Variants in SRCIN1 observed in about 807,000 individuals in gnomAD.
The protein encoded by SRCIN1 is SRC kinase signaling inhibitor 1.
SRCIN1 carries 50 observed loss-of-function variants against 116.2 expected under a neutral mutation model. The ratio of observed to expected loss-of-function variants is 0.43; its 90% CI spans 0.34 to 0.54. The LOEUF (loss-of-function observed/expected upper bound fraction) is 0.54, where lower values mean the gene tolerates loss of function less well. Among genes scored for constraint, SRCIN1 ranks in the 20% least tolerant of loss-of-function variants. The pLI is 0.02. For missense variants in SRCIN1, 1,446 were observed against 1,672.0 expected, an observed-to-expected ratio of 0.86 and a Z score of 2.36; for synonymous variants, 736 against 750.0, an observed-to-expected ratio of 0.98 and a Z score of 0.30.
At chr17:38,557,201 C>T (rs1905861267) in intron 11 of SRCIN1, among the ~76,000 whole-genome samples, 1 of 152,226 alleles carries the variant, frequency 6.6e-6, no homozygotes, top group African/African-American at 2.4e-5. Flanking sequence ...GAGCAGCAAC[C>T]CATCTCAAGG....
At chr17:38,595,056 T>A (rs1211031956) in intron 1 of SRCIN1, among the ~76,000 whole-genome samples, 1 of 152,244 alleles carries the variant, frequency 6.6e-6, no homozygotes, top group South Asian at 2.1e-4. Flanking sequence ...CAGGGGCAGA[T>A]AGACAGAGGA....
Position 38,561,928 on chromosome 17 carries a change from G to A in SRCIN1, c.1235C>T (p.Ala412Val). The stretch of plus-strand genomic sequence containing the variant: ...GTAGGCGAACGGGTCGCCGGCGGCC[G>A]CGGCCAGGCTCAGACGGCCCTCGTG... ...LLHEGRLSLA[A>V]AAGDPFAYPG... Residue 412 changes from alanine (A) to valine (V), a missense_variant, in exon 7 of 19, where the codon GCG becomes GTG. Physicochemically the swap from Ala to Val is moderately conservative, Grantham distance 64 (BLOSUM62 0). Coordinates refer to ENST00000617146, the MANE Select transcript of SRCIN1 (RefSeq NM_025248.3). 6.9e-7 allele frequency: 1 copy of A among 1,452,376 alleles called. No homozygotes were observed. Among genetic ancestry groups the A allele is most frequent in the Non-Finnish European group, 9.0e-7 (1 of 1,117,080 alleles). 90.0% of individuals were successfully genotyped at this position (1,452,376 alleles called of 1,614,324 possible). A position where few individuals can be genotyped will look rare whatever the true frequency, so the allele number is the denominator to read the frequency against.
rs559484702 is a variant in SRCIN1 at position 38,578,350 on chromosome 17, A to G, written c.324+140T>C. 18 of 1,139,196 alleles carry G rather than the reference A, an allele frequency of 1.6e-5. No homozygotes were observed. In the East Asian group the frequency reaches 4.7e-4, roughly 30 times the overall value. 70.6% of individuals were successfully genotyped at this position (1,139,196 alleles called of 1,614,324 possible). ...ACTGCCCTGGAGGGACAACTCCCCA[A>G]CTCCTCCCCTTCTTCCCTCTCTGCT... On this transcript the variant is annotated intron_variant, in intron 2 of 18. Transcript: ENST00000617146.
intron 18 of SRCIN1, among the ~76,000 whole-genome samples, chr17:38,536,906 C>T (rs1246767669): frequency 2.6e-5 from 4 of 152,322 alleles, no homozygotes; most frequent in Middle Eastern, 3.4e-3. Flanking sequence ...TGTGTGAGGC[C>T]GGGCTCATGC....
At chr17:38,580,637 T>C (rs1907735136) in intron 1 of SRCIN1, among the ~76,000 whole-genome samples, 1 of 152,212 alleles carries the variant, frequency 6.6e-6, no homozygotes, top group South Asian at 2.1e-4. Context: ...TGACTGTTTC[T>C]TGAGTGAACA....
Position 38,562,170 on chromosome 17 carries a change from C to T in SRCIN1, c.993G>A (p.Ser331=). ...QSGSPSRSRL[S]YAGGRPPSYA... The stretch of plus-strand genomic sequence containing the variant: ...ACGAAGGCGGGCGCCCCCCGGCGTA[C>T]GATAGGCGCGAACGCGACGGCGAAC... The change falls in exon 7 of 19, where the codon TCG becomes TCA. Residue 331 remains serine (S), a synonymous_variant. Coordinates refer to ENST00000617146, the MANE Select transcript of SRCIN1 (RefSeq NM_025248.3). The surrounding 1 kb of genome is among the most constrained non-coding windows in gnomAD (Gnocchi z 4.2). 1.4e-6 allele frequency: 2 copies of T among 1,380,212 alleles called. No homozygotes were observed. The highest frequency in any genetic ancestry group is 1.9e-6 in the Non-Finnish European group (2 of 1,075,878). The allele number at this position is 1,380,212 out of a possible 1,614,324, so 85.5% of individuals were successfully genotyped here. A position where few individuals can be genotyped will look rare whatever the true frequency, so the allele number is the denominator to read the frequency against.
At chr17:38,601,132 C>T (rs561134979) in intron 1 of SRCIN1, 22 of 152,500 alleles carry the variant, frequency 1.4e-4, no homozygotes, top group Admixed American at 1.2e-3. Flanking sequence ...CCAGCCCACG[C>T]CCCCTCATTT....
intron 1 of SRCIN1, among the ~76,000 whole-genome samples, chr17:38,596,748 T>C (rs572461646): frequency 6.6e-6 from 1 of 151,868 alleles, no homozygotes; most frequent in East Asian, 1.9e-4. Context: ...GAGACAGGCA[T>C]TCCCCACCCA....
At chr17:38,570,146 G>GAC (rs1906981871) in intron 2 of SRCIN1, among the ~76,000 whole-genome samples, 1 of 151,956 alleles carries the variant, frequency 6.6e-6, no homozygotes, top group African/African-American at 2.4e-5. Context: ...CACCCAGAGC[G>GAC]ACACACACAC....
chr17:38,573,053 G>C (rs888156178), intron 2 of SRCIN1, among the ~76,000 whole-genome samples: 11 of 152,156 alleles, frequency 7.2e-5, no homozygotes, highest in African/African-American at 2.7e-4. Context: ...CAGCAGGAGG[G>C]AGGGAGGTTA....
chr17:38,554,084 G>A (rs1359343535), intron 11 of SRCIN1, among the ~76,000 whole-genome samples: 13 of 152,030 alleles, frequency 8.6e-5, no homozygotes, highest in Admixed American at 1.3e-4. Context: ...GGTGGCGTGC[G>A]GCTGTAATCC....
At chr17:38,569,429 C>A (rs528948590) in intron 2 of SRCIN1, among the ~76,000 whole-genome samples, 64 of 152,176 alleles carry the variant, frequency 4.2e-4, no homozygotes, top group Non-Finnish European at 8.7e-4. Context: ...ATCGAAGGCG[C>A]CCCTGGGGGA....
rs1383652797 is a variant in SRCIN1, at chr17:38,531,704, AAAAG to A, written c.*1589_*1592del. The A allele has an allele frequency of 6.6e-6, 1 of 152,254 alleles. No individual in the cohort carries two copies. The highest frequency in any genetic ancestry group is 1.5e-5 in the Non-Finnish European group (1 of 68,004). The allele number at this position is 152,254 out of a possible 1,614,324, so 9.4% of individuals were successfully genotyped here. On this transcript the variant is annotated 3_prime_UTR_variant, in exon 19 of 19. Coordinates refer to ENST00000617146, the MANE Select transcript of SRCIN1 (RefSeq NM_025248.3). Reference sequence around the variant, plus strand: ...ATGAACCAACAAAGGCAAAAACAAAAAAAGAAATGAAGAAACACAACCCGTTTCC... The same window carrying A: ...ATGAACCAACAAAGGCAAAAACAAAAAAATGAAGAAACACAACCCGTTTCC...
Position 38,561,667 on chromosome 17 carries a change from G to C in SRCIN1, c.1496C>G (p.Pro499Arg), listed in dbSNP as rs1812910771. 2 of 1,559,452 alleles carry C rather than the reference G, an allele frequency of 1.3e-6. No homozygotes were observed. Among genetic ancestry groups the C allele is most frequent in the African/African-American group, 1.4e-5 (1 of 72,150 alleles). ...CTGGCGCACTGGCGAGCCGCGGCTG[G>C]GCGGCCCCGAGTAGGGGCTGTGCGG... Reference protein sequence around the residue: ...PPPHSPYSGPPSRGSPVRQSF... With the variant: ...PPPHSPYSGPRSRGSPVRQSF... The change falls in exon 7 of 19, where the codon CCC becomes CGC. Residue 499 changes from proline to arginine, a missense_variant. Pro to Arg is a moderately radical substitution (Grantham distance 103). Coordinates refer to ENST00000617146, the MANE Select transcript of SRCIN1 (RefSeq NM_025248.3).
At chr17:38,598,321 C>T (rs367747657) in intron 1 of SRCIN1, among the ~76,000 whole-genome samples, 6 of 152,182 alleles carry the variant, frequency 3.9e-5, no homozygotes, top group South Asian at 4.1e-4. Flanking sequence ...GCCTTCCCTA[C>T]GAGCTGGGGT....
At chr17:38,556,608 G>T (rs1462388389) in intron 11 of SRCIN1, among the ~76,000 whole-genome samples, 3 of 152,262 alleles carry the variant, frequency 2.0e-5, no homozygotes, top group Admixed American at 2.0e-4. Context: ...GAAGGCTATG[G>T]GAGCTGGGCA....
chr17:38,566,348 C>G (rs943560578), intron 3 of SRCIN1, among the ~76,000 whole-genome samples: 2 of 152,176 alleles, frequency 1.3e-5, no homozygotes, highest in Non-Finnish European at 2.9e-5. Flanking sequence ...ACAGCCTGTA[C>G]AGAAAACCCT....
In SRCIN1 at chr17:38,552,128, C is replaced by G; in HGVS notation, c.2485G>C (p.Val829Leu). The stretch of plus-strand genomic sequence containing the variant: ...GGGGGTGGCCACACACCCTCATCCA[C>G]TTGCCTGGGGTTGGGAGAGTTGGGA... ...TDTLAQIRRQ[V>L]DEGVWPPPNN... Residue 829 changes from valine (V) to leucine (L), a missense_variant, in exon 14 of 19, where the codon GTG (valine) becomes CTG (leucine). This residue lies in a region of SRCIN1 where 531 missense variants were observed against 633.9 expected (regional missense o/e 0.84). Coordinates refer to ENST00000617146, the MANE Select transcript of SRCIN1 (RefSeq NM_025248.3). The surrounding 1 kb of genome is among the most constrained non-coding windows in gnomAD (Gnocchi z 5.3). 6.2e-7 allele frequency: 1 copy of G among 1,609,706 alleles called. No individual in the cohort carries two copies. The highest frequency in any genetic ancestry group is 8.5e-7 in the Non-Finnish European group (1 of 1,177,312).
At chr17:38,600,321 G>C (rs1319583452) in intron 1 of SRCIN1, among the ~76,000 whole-genome samples, 1 of 152,218 alleles carries the variant, frequency 6.6e-6, no homozygotes, top group Non-Finnish European at 1.5e-5. Flanking sequence ...AGAGGCTCTG[G>C]GGGAGGTCCC....
Sources: gnomAD v4.1 joint callset for allele counts (sites outside exome capture counted in the v4.1 genomes callset) on GRCh38, gnomAD v4.1.1 for gene constraint, gnomAD v4.1.1 regional missense constraint, Gnocchi (gnomAD v3.1) non-coding constraint, MANE v1.5 for transcripts, NCBI Gene and HGNC (gene_info 2026-07-23, HGNC 2026-07-21) for gene names.